Variants in CYP2C8 observed in about 807,000 individuals in gnomAD.
CYP2C8 encodes the protein cytochrome P450 2C8.
In CYP2C8, 51 loss-of-function variants were observed where a neutral mutation model predicts 41.3. The observed-to-expected ratio is 1.24, with a 90% CI of 0.99 to 1.56. The LOEUF (loss-of-function observed/expected upper bound fraction) is 1.56. Ranked by LOEUF, CYP2C8 falls within the 40% of genes most tolerant of loss-of-function variation. The probability of loss-of-function intolerance (pLI) is 0.00; values close to 1 mark genes in which losing one functional copy is unlikely to be tolerated. For missense variants in CYP2C8, 651 were observed against 579.9 expected (o/e 1.12, Z -1.26); for synonymous variants, 218 against 205.8 (o/e 1.06, Z -0.51).
Position 95,037,157 on chromosome 10 carries a change from A to C in CYP2C8, c.1444T>G (p.Ser482Ala). ...ACAGGGATGAAGCAGATCTGGTATG[A>C]GGGTGGCAGAGAAACAATCCCTTTG... ...VTKGIVSLPP[S>A]YQICFIPV The change falls in exon 9 of 9, where the codon TCA becomes GCA. Residue 482 changes from serine to alanine, a missense_variant. Physicochemically the swap from Ser to Ala is moderately conservative, Grantham distance 99. Coordinates refer to ENST00000371270, the MANE Select transcript of CYP2C8 (RefSeq NM_000770.3). The C allele has an allele frequency of 6.2e-7, 1 of 1,613,958 alleles. No individual in the cohort carries two copies. The highest frequency in any genetic ancestry group is 1.1e-5 in the South Asian group (1 of 91,066).
At chr10:95,046,168 T>A (rs892821165) in intron 5 of CYP2C8, among the ~76,000 whole-genome samples, 15 of 152,218 alleles carry the variant, frequency 9.9e-5, no homozygotes, top group Non-Finnish European at 1.8e-4. Context: ...ATGAAATCAT[T>A]CGCTGCTTAG....
chr10:95,043,271 C>T (rs2033044102), intron 6 of CYP2C8, among the ~76,000 whole-genome samples, 194 bp from the exon 7 acceptor site: 1 of 152,140 alleles, frequency 6.6e-6, no homozygotes, highest in Admixed American at 6.5e-5. Context: ...ACAAACTAGT[C>T]ATTACAGTGC....
chr10:95,039,150 C>G lies in CYP2C8; in HGVS notation c.1150-112G>C. 7 of 967,114 alleles carry G rather than the reference C, an allele frequency of 7.2e-6. No homozygotes were observed. The South Asian group carries it at 9.3e-5, about 13-fold the overall frequency. 59.9% of individuals were successfully genotyped at this position (967,114 alleles called of 1,614,324 possible). A position where few individuals can be genotyped will look rare whatever the true frequency, so the allele number is the denominator to read the frequency against. On this transcript the variant is annotated intron_variant, in intron 7 of 8. Coordinates refer to ENST00000371270, the MANE Select transcript of CYP2C8 (RefSeq NM_000770.3). ...GATCTATAGATGAGGAAACTCAGGTCCAGCCAGACACAGTAATTTACATGG... is the reference window on the plus strand; with the variant it reads ...GATCTATAGATGAGGAAACTCAGGTGCAGCCAGACACAGTAATTTACATGG...
intron 8 of CYP2C8, among the ~76,000 whole-genome samples, chr10:95,038,695 G>C (rs545899258): frequency 6.6e-6 from 1 of 152,284 alleles, no homozygotes; most frequent in South Asian, 2.1e-4. Context: ...GAACAACAGA[G>C]TTAACTCCTG....
In CYP2C8 at chr10:95,067,362, T is replaced by TA. The variant is rs11572078; in HGVS notation, c.332-6dup. The TA allele has an allele frequency of 0.24, 393,354 of 1,613,462 alleles. 52,419 individuals are homozygous for TA. The highest frequency in any genetic ancestry group is 0.46 in the African/African-American group (34,135 of 74,836). On this transcript the variant is annotated splice_region_variant and splice_polypyrimidine_tract_variant and intron_variant, in intron 2 of 8. Coordinates refer to ENST00000371270, the MANE Select transcript of CYP2C8 (RefSeq NM_000770.3). ...TTCCATTGCTGGAAATGATTCCTAA[T>TA]AAAAAAAGGGGCAGAAACTGGGAGA...
chr10:95,063,398 A>G (rs576316784), intron 4 of CYP2C8, among the ~76,000 whole-genome samples: 3 of 152,274 alleles, frequency 2.0e-5, no homozygotes, highest in African/African-American at 7.2e-5. Flanking sequence ...TTGATCTTCA[A>G]TCACTGATAC....
At chr10:95,046,748 T>TAAAAAAAAAAAAAAAA (rs56702266) in intron 5 of CYP2C8, among the ~76,000 whole-genome samples, 1 of 128,984 alleles carries the variant, frequency 7.8e-6, no homozygotes, top group Non-Finnish European at 1.6e-5. Context: ...CTAAATATGG[T>TAAAAAAAAAAAAAAAA]AAAAAAAAAA....
intron 3 of CYP2C8, among the ~76,000 whole-genome samples, 158 bp from the exon 4 acceptor site, chr10:95,065,118 C>CT (rs2033532669): frequency 6.6e-6 from 1 of 152,140 alleles, no homozygotes; most frequent in South Asian, 2.1e-4. Flanking sequence ...AAACACATTA[C>CT]TTTTACCTTA....
chr10:95,058,541 CATGTCATAAGATAT>C (rs764495972), intron 4 of CYP2C8, 30 bp from the exon 5 acceptor site: 77 of 1,559,002 alleles, frequency 4.9e-5, no homozygotes, highest in Non-Finnish European at 6.4e-5. Flanking sequence ...TAAATATAAA[CATGTCATAAGATAT>C]ATGTATCTTA....
At chr10:95,053,582 A>G (rs1263648933) in intron 5 of CYP2C8, among the ~76,000 whole-genome samples, 1 of 152,214 alleles carries the variant, frequency 6.6e-6, no homozygotes, top group Non-Finnish European at 1.5e-5. Flanking sequence ...AGTACTATGC[A>G]GCCATAAAAA....
In CYP2C8 at chr10:95,045,940, G is replaced by T. The variant is rs1401521339; in HGVS notation, c.831C>A (p.Asn277Lys). 2 of 1,613,852 alleles carry T rather than the reference G, an allele frequency of 1.2e-6. No homozygotes were observed. Among genetic ancestry groups the T allele is most frequent in the Non-Finnish European group, 1.7e-6 (2 of 1,179,848 alleles). The part of the protein sequence containing the change: ...FLIKMEQEKD[N>K]QKSEFNIENL... ...TTTCAATATTGAATTCTGACTTTTG[G>T]TTGTCCTTTTCCTAGAAGTGATTTC... The change falls in exon 6 of 9, where the codon AAC (asparagine) becomes AAA (lysine). Residue 277 changes from asparagine to lysine, a missense_variant. Coordinates refer to ENST00000371270, the MANE Select transcript of CYP2C8 (RefSeq NM_000770.3).
At position 95,058,429 on chromosome 10, in the gene CYP2C8, C is replaced by T. The variant is rs770490682; in HGVS notation, c.725G>A (p.Ser242Asn). 1.2e-6 allele frequency: 2 copies of T among 1,613,458 alleles called. No homozygotes were observed. Among genetic ancestry groups the T allele is most frequent in the South Asian group, 1.1e-5 (1 of 91,074 alleles). ...TTCTTTTACTTTCTCCCTAATGTAA[C>T]TTCGTGTAAGAGCAACATTTTTAAG... ...KVLKNVALTR[S>N]YIREKVKEHQ... Residue 242 changes from serine (S) to asparagine (N), a missense_variant, in exon 5 of 9, where the codon AGT becomes AAT. Ser to Asn is a conservative substitution (Grantham distance 46). Coordinates refer to ENST00000371270, the MANE Select transcript of CYP2C8 (RefSeq NM_000770.3).
chr10:95,049,832 T>A (rs936348503), intron 5 of CYP2C8, among the ~76,000 whole-genome samples: 13 of 151,932 alleles, frequency 8.6e-5, no homozygotes, highest in African/African-American at 3.1e-4. Flanking sequence ...CAGTTTTCAC[T>A]TCCAAAAGAA....
intron 3 of CYP2C8, among the ~76,000 whole-genome samples, chr10:95,066,725 A>T (rs987609317): frequency 1.3e-5 from 2 of 152,206 alleles, no homozygotes; most frequent in Admixed American, 6.5e-5. Context: ...ATTTCCAGAC[A>T]TGTGAGTATG....
rs1355198251 is a variant in CYP2C8 at position 95,067,685 on chromosome 10, T to C, written c.175A>G (p.Lys59Glu). The change falls in exon 2 of 9, where the codon AAA (lysine) becomes GAA (glutamate). Residue 59 changes from lysine to glutamate, a missense_variant. By Grantham distance (56) the Lys-to-Glu change is moderately conservative. Transcript: ENST00000371270. ...ACGGTGAACACAGGACCATAGACTT[T>C]TGAGAACTGGGAAAGGAAATGCAAA... The part of the protein sequence containing the change: ...DICKSFTNFS[K>E]VYGPVFTVYF... 6.2e-6 allele frequency: 10 copies of C among 1,614,130 alleles called. No homozygotes were observed. Among genetic ancestry groups the C allele is most frequent in the Non-Finnish European group, 7.6e-6 (9 of 1,180,008 alleles).
chr10:95,065,586 C>T (rs890766347), intron 3 of CYP2C8, among the ~76,000 whole-genome samples: 3 of 152,016 alleles, frequency 2.0e-5, no homozygotes, highest in African/African-American at 7.2e-5. Flanking sequence ...GTAAAGCTAA[C>T]CAAAAAGTAA....
chr10:95,051,811 C>T (rs1275931644), intron 5 of CYP2C8, among the ~76,000 whole-genome samples: 1 of 151,840 alleles, frequency 6.6e-6, no homozygotes, highest in Non-Finnish European at 1.5e-5. Flanking sequence ...TGGGATTCAG[C>T]AAAAGTGGTA....
rs2032908044 is a variant in CYP2C8, at chr10:95,037,420, GA to G, written c.1292-112del. The G allele has an allele frequency of 5.7e-6, 5 of 876,828 alleles. No individual in the cohort carries two copies. In the Admixed American group the frequency reaches 1.0e-4, roughly 18 times the overall value. 54.3% of individuals were successfully genotyped at this position (876,828 alleles called of 1,614,324 possible). On this transcript the variant is annotated intron_variant, in intron 8 of 8. Transcript: ENST00000371270. ...AATATGCAGTAAATAATTGATTAAT[GA>G]TTGGGTAGATGAATGAACATGTGGA...
chr10:95,052,728 C>G (rs1313283514), intron 5 of CYP2C8, among the ~76,000 whole-genome samples: 1 of 151,984 alleles, frequency 6.6e-6, no homozygotes, highest in East Asian at 1.9e-4. Flanking sequence ...AAAAATTATT[C>G]GATAAAATTC....
Sources: gnomAD v4.1 joint callset for allele counts (sites outside exome capture counted in the v4.1 genomes callset) on GRCh38, gnomAD v4.1.1 for gene constraint, MANE v1.5 for transcripts, NCBI Gene and HGNC (gene_info 2026-07-23, HGNC 2026-07-21) for gene names.